MTA3: variants seen among roughly 807,000 people sequenced by gnomAD.
MTA3 encodes the protein metastasis associated 1 family member 3, also known as metastasis-associated protein MTA3.
A neutral mutation model predicts 83.5 loss-of-function variants in MTA3; 34 were observed. The ratio of observed to expected loss-of-function variants is 0.41; its 90% CI spans 0.31 to 0.54. The LOEUF (loss-of-function observed/expected upper bound fraction) is 0.54. MTA3 is among the 20% of genes least tolerant of loss of function. MTA3 has a pLI of 0.33. For missense variants in MTA3, 761 were observed against 726.4 expected, an observed-to-expected ratio of 1.05 and a Z score of -0.55; for synonymous variants, 303 against 252.7, an observed-to-expected ratio of 1.20 and a Z score of -1.89.
At chr2:42,658,780 T>C (rs1689408040) in intron 7 of MTA3, among the ~76,000 whole-genome samples, 1 of 152,066 alleles carries the variant, frequency 6.6e-6, no homozygotes, top group African/African-American at 2.4e-5. Flanking sequence ...ATTTATAAAA[T>C]TTCTTCCTTA....
intron 2 of MTA3, among the ~76,000 whole-genome samples, chr2:42,506,116 C>G (rs1051541525): frequency 6.6e-6 from 1 of 152,020 alleles, no homozygotes; most frequent in Non-Finnish European, 1.5e-5. Context: ...TTTTATTAAT[C>G]TCTCCACTTT....
intron 2 of MTA3, among the ~76,000 whole-genome samples, chr2:42,562,455 A>G (rs528436092): frequency 3.9e-5 from 6 of 152,166 alleles, no homozygotes; most frequent in African/African-American, 1.4e-4. Flanking sequence ...GGCTGGGAAG[A>G]AGGAGTGAGG....
chr2:42,722,273 C>T (rs1667463832), intron 15 of MTA3, among the ~76,000 whole-genome samples: 1 of 152,208 alleles, frequency 6.6e-6, no homozygotes, highest in African/African-American at 2.4e-5. Flanking sequence ...GTTAAACATG[C>T]ATATACCACA....
intron 3 of MTA3, among the ~76,000 whole-genome samples, chr2:42,602,548 G>A (rs1558483614): frequency 6.6e-6 from 1 of 152,080 alleles, no homozygotes. Flanking sequence ...ACTCCAGTTG[G>A]TCTATGTTCT....
At chr2:42,606,173 G>A (rs1260451052) in intron 3 of MTA3, among the ~76,000 whole-genome samples, 4 of 93,290 alleles carry the variant, frequency 4.3e-5, no homozygotes, top group Non-Finnish European at 4.3e-5. Flanking sequence ...CCTCCCGGAC[G>A]GGGCGGCTGG....
intron 2 of MTA3, among the ~76,000 whole-genome samples, chr2:42,498,301 A>G (rs1048353836): frequency 6.6e-6 from 1 of 152,238 alleles, no homozygotes; most frequent in Non-Finnish European, 1.5e-5. Context: ...AAGGCTAATG[A>G]CTTAGCCCAG....
chr2:42,734,181 T>C (rs1121780), intron 16 of MTA3, among the ~76,000 whole-genome samples: 81,748 of 151,420 alleles, frequency 0.54, 22,611 homozygotes, highest in East Asian at 0.68. Context: ...GTAGTGCAAA[T>C]AATATTTGCT....
chr2:42,680,939 A>C (rs189840642), intron 8 of MTA3, among the ~76,000 whole-genome samples: 73 of 152,088 alleles, frequency 4.8e-4, no homozygotes, highest in Non-Finnish European at 5.9e-4. Flanking sequence ...ACGGGGTTTC[A>C]CTGTGTTGGC....
chr2:42,512,302 A>C (rs1386757460), intron 2 of MTA3, among the ~76,000 whole-genome samples: 2 of 152,058 alleles, frequency 1.3e-5, no homozygotes, highest in Admixed American at 1.3e-4. Flanking sequence ...AAATGATGAG[A>C]GATGAGTGCC....
At chr2:42,717,138 T>G (rs947539359) in intron 14 of MTA3, among the ~76,000 whole-genome samples, 4 of 149,264 alleles carry the variant, frequency 2.7e-5, no homozygotes, top group South Asian at 2.1e-4. Context: ...TTTTTTTTTT[T>G]TTTTTTTTTT....
At chr2:42,644,002 T>C (rs1173455834) in intron 5 of MTA3, 125 bp from the exon 6 acceptor site, 1 of 537,282 alleles carries the variant, frequency 1.9e-6, no homozygotes, top group South Asian at 3.5e-5. Context: ...TATGAGTTTA[T>C]TCACCAAAAT....
In MTA3 at chr2:42,541,719, T is replaced by A. The variant is rs550348390; in HGVS notation, c.-140-28718T>A. Among the ~76,000 whole-genome samples the A allele has an allele frequency of 5.9e-5, 9 of 152,322 alleles. 1 individual carries two copies. Among genetic ancestry groups the A allele is most frequent in the Admixed American group, 2.6e-4 (4 of 15,282 alleles). On this transcript the variant is annotated intron_variant, in intron 2 of 17. Transcript: ENST00000405592. ...GTGCCATTCAGTAACCTTGTTTCAG[T>A]CACAGTAGCAATTGATTAGGTTATA...
chr2:42,532,110 G>C (rs900095721), intron 2 of MTA3, among the ~76,000 whole-genome samples: 8 of 152,192 alleles, frequency 5.3e-5, no homozygotes, highest in Admixed American at 5.2e-4. Context: ...CCTGAGCTTA[G>C]CCATAATCCA....
chr2:42,708,353 A>G (rs1226181161), intron 13 of MTA3, among the ~76,000 whole-genome samples: 2 of 152,236 alleles, frequency 1.3e-5, no homozygotes, highest in East Asian at 1.9e-4. Flanking sequence ...TAACCTTTAC[A>G]TTCTGTTGAA....
chr2:42,743,834 C>G (rs183455000), intron 16 of MTA3, among the ~76,000 whole-genome samples: 1 of 152,014 alleles, frequency 6.6e-6, no homozygotes, highest in East Asian at 1.9e-4. Context: ...GCTCTCTTCA[C>G]GAATTCCAAA....
chr2:42,623,896 G>A lies in MTA3; in HGVS notation c.317+14312G>A, dbSNP rs529016331. Reference sequence around the variant, plus strand: ...TAAGTAGAGACGGGGTTTCACCATGGTGGCCAGCTGGTCTCGAACTCCTGA... The same window carrying A: ...TAAGTAGAGACGGGGTTTCACCATGATGGCCAGCTGGTCTCGAACTCCTGA... On this transcript the variant is annotated intron_variant, in intron 4 of 16. Coordinates refer to ENST00000405094, the MANE Select transcript of MTA3 (RefSeq NM_001330442.2). Among the ~76,000 whole-genome samples the A allele has an allele frequency of 2.7e-4, 41 of 151,964 alleles. No homozygotes were observed. The South Asian group carries it at 5.2e-3, about 19-fold the overall frequency.
At chr2:42,624,833 C>G (rs1257016403) in intron 4 of MTA3, among the ~76,000 whole-genome samples, 3 of 152,030 alleles carry the variant, frequency 2.0e-5, no homozygotes, top group Non-Finnish European at 4.4e-5. Context: ...GATGTTTACC[C>G]CATTGTCATC....
At chr2:42,628,894 A>G (rs967366340) in intron 4 of MTA3, among the ~76,000 whole-genome samples, 2 of 152,000 alleles carry the variant, frequency 1.3e-5, no homozygotes, top group South Asian at 2.1e-4. Flanking sequence ...TTTATGTGTA[A>G]GCAGAATTTT....
At chr2:42,701,943 G>C (rs889695073) in intron 11 of MTA3, among the ~76,000 whole-genome samples, 1 of 138,912 alleles carries the variant, frequency 7.2e-6, no homozygotes. Context: ...GGGCATGGTG[G>C]CTCACGCCTG....
Sources: gnomAD v4.1 joint callset for allele counts (sites outside exome capture counted in the v4.1 genomes callset) on GRCh38, gnomAD v4.1.1 for gene constraint, MANE v1.5 for transcripts, NCBI Gene and HGNC (gene_info 2026-07-23, HGNC 2026-07-21) for gene names.